Variants in IPO11 observed in about 807,000 individuals in gnomAD.
The protein encoded by IPO11 is importin 11.
In IPO11, 66 loss-of-function variants were observed where a neutral mutation model predicts 143.2. The observed-to-expected ratio is 0.46, with a 90% confidence interval of 0.38 to 0.57. IPO11 has a LOEUF of 0.57. Among genes scored for constraint, IPO11 ranks in the 20% least tolerant of loss-of-function variants. IPO11 has a pLI of 0.00. For synonymous variants in IPO11, 385 were observed against 377.8 expected (o/e 1.02, Z -0.22); for missense variants, 1,026 against 1,141.0 (o/e 0.90, Z 1.45).
chr5:62,442,910 T>C, intron 2 of IPO11, 73 bp from the exon 3 acceptor site: 1 of 677,880 alleles, frequency 1.5e-6, no homozygotes, highest in Non-Finnish European at 2.4e-6. Flanking sequence ...CTGTCCATAC[T>C]TTATTGTGGG....
chr5:62,464,579 G>A (rs784921), intron 5 of IPO11, among the ~76,000 whole-genome samples: 88,534 of 151,522 alleles, frequency 0.58, 26,125 homozygotes, highest in South Asian at 0.69. Flanking sequence ...AGGCATCCTG[G>A]CATCCTCCCG....
intron 27 of IPO11, chr5:62,581,045 T>G: frequency 6.4e-7 from 1 of 1,550,938 alleles, no homozygotes; most frequent in South Asian, 1.2e-5. Flanking sequence ...GCTTTTTTCA[T>G]CTTAGCTTGT....
At chr5:62,519,983 A>G (rs921009009) in intron 20 of IPO11, among the ~76,000 whole-genome samples, 2 of 152,188 alleles carry the variant, frequency 1.3e-5, no homozygotes, top group African/African-American at 2.4e-5. Flanking sequence ...TTTCATGTTC[A>G]AAGTCAGCAG....
intron 1 of IPO11, among the ~76,000 whole-genome samples, chr5:62,415,660 G>A (rs1743267835): frequency 6.6e-6 from 1 of 150,946 alleles, no homozygotes; most frequent in African/African-American, 2.4e-5. Context: ...TAGAGACGGG[G>A]TTTCTCCATG....
At chr5:62,550,206 T>C (rs971287207) in intron 24 of IPO11, among the ~76,000 whole-genome samples, 161 bp from the exon 25 acceptor site, 1 of 152,214 alleles carries the variant, frequency 6.6e-6, no homozygotes, top group Non-Finnish European at 1.5e-5. Context: ...GATTATCTTG[T>C]AAAAGTGTGT....
At chr5:62,599,113 T>G (rs1745404175) in intron 28 of IPO11, among the ~76,000 whole-genome samples, 1 of 152,166 alleles carries the variant, frequency 6.6e-6, no homozygotes, top group Non-Finnish European at 1.5e-5. Flanking sequence ...TCCATCAAAC[T>G]CTACTGAATT....
chr5:62,610,554 A>G (rs756273011), intron 29 of IPO11, among the ~76,000 whole-genome samples: 3 of 152,234 alleles, frequency 2.0e-5, no homozygotes, highest in Non-Finnish European at 2.9e-5. Context: ...GGCCCAGTTT[A>G]TAAAAATGTG....
intron 16 of IPO11, among the ~76,000 whole-genome samples, chr5:62,502,636 A>C (rs1355126159): frequency 1.3e-5 from 2 of 152,106 alleles, no homozygotes; most frequent in Non-Finnish European, 2.9e-5. Flanking sequence ...CCTTTTTAGG[A>C]AGGAAAACAT....
At chr5:62,588,056 G>T (rs1368262237) in intron 27 of IPO11, among the ~76,000 whole-genome samples, 1 of 152,100 alleles carries the variant, frequency 6.6e-6, no homozygotes, top group East Asian at 1.9e-4. Flanking sequence ...CCCAAATTCT[G>T]CCACCCTGAA....
chr5:62,474,970 G>T (rs1205859013), intron 8 of IPO11, among the ~76,000 whole-genome samples: 2 of 152,142 alleles, frequency 1.3e-5, no homozygotes, highest in African/African-American at 4.8e-5. Flanking sequence ...GTGCACAATT[G>T]AAAACTTAAG....
rs531616102 is a variant in IPO11, at chr5:62,563,459, G to A, written c.2582+2202G>A. Among the ~76,000 whole-genome samples the A allele has an allele frequency of 3.3e-5, 5 of 152,236 alleles. No individual in the cohort carries two copies. The South Asian group carries it at 1.0e-3, about 32-fold the overall frequency. On this transcript the variant is annotated intron_variant, in intron 27 of 29. Transcript: ENST00000325324. ...TACATTTTTAATGAGAATACTGTTT[G>A]CTTCAACATATAATATTATGTAAGT... is the stretch of plus-strand genomic sequence containing the variant.
chr5:62,544,608 A>G (rs574758638), intron 24 of IPO11, among the ~76,000 whole-genome samples: 5 of 152,196 alleles, frequency 3.3e-5, no homozygotes, highest in Non-Finnish European at 7.3e-5. Flanking sequence ...CAGGGCAATC[A>G]GGTAGGAGAA....
At chr5:62,453,317 T>C (rs1418603630) in intron 5 of IPO11, among the ~76,000 whole-genome samples, 2 of 151,182 alleles carry the variant, frequency 1.3e-5, no homozygotes, top group African/African-American at 2.5e-5. Context: ...ACTTTTGCTC[T>C]GGTCTCTACT....
intron 1 of IPO11, among the ~76,000 whole-genome samples, chr5:62,415,734 C>G (rs1378385096): frequency 6.6e-6 from 1 of 152,070 alleles, no homozygotes; most frequent in Admixed American, 6.6e-5. Context: ...TCCCAAAGTG[C>G]TGGGATTACA....
At chr5:62,434,067 C>T (rs75128064) in intron 1 of IPO11, among the ~76,000 whole-genome samples, 101 of 152,250 alleles carry the variant, frequency 6.6e-4, no homozygotes, top group Non-Finnish European at 1.2e-3. Context: ...CCCTTTTCTC[C>T]AACTTCATTT....
At chr5:62,545,759 AAAAC>A (rs1407347103) in intron 24 of IPO11, among the ~76,000 whole-genome samples, 1 of 151,762 alleles carries the variant, frequency 6.6e-6, no homozygotes, top group Non-Finnish European at 1.5e-5. Flanking sequence ...TTACAAGAAA[AAAAC>A]AACCCCATCA....
chr5:62,583,945 T>C (rs2112412342), intron 27 of IPO11, among the ~76,000 whole-genome samples: 1 of 152,304 alleles, frequency 6.6e-6, no homozygotes, highest in African/African-American at 2.4e-5. Context: ...CACCCAAAAA[T>C]AGGCTCTAAT....
At chr5:62,596,595 C>CT (rs994167650) in intron 28 of IPO11, among the ~76,000 whole-genome samples, 1 of 152,128 alleles carries the variant, frequency 6.6e-6, no homozygotes, top group African/African-American at 2.4e-5. Context: ...TTTATAAGGA[C>CT]TTTTTTCTCC....
intron 29 of IPO11, among the ~76,000 whole-genome samples, 189 bp from the exon 30 acceptor site, chr5:62,626,965 T>G (rs1383227244): frequency 1.3e-5 from 2 of 152,218 alleles, no homozygotes; most frequent in Non-Finnish European, 2.9e-5. Flanking sequence ...GAACTGAAGT[T>G]AAGACTAATT....
Sources: gnomAD v4.1 joint callset for allele counts (sites outside exome capture counted in the v4.1 genomes callset) on GRCh38, gnomAD v4.1.1 for gene constraint, MANE v1.5 for transcripts, NCBI Gene and HGNC (gene_info 2026-07-23, HGNC 2026-07-21) for gene names.